The following RANBP9 variants were observed in gnomAD, a reference collection of about 807,000 sequenced individuals.
The protein encoded by RANBP9 is RAN binding protein 9, also known as ran-binding protein 9.
A neutral mutation model predicts 84.3 loss-of-function variants in RANBP9; 15 were observed. The ratio of observed to expected loss-of-function variants is 0.18; its 90% CI spans 0.12 to 0.27. The LOEUF is 0.27. RANBP9 is among the 10% of genes least tolerant of loss of function. The pLI is 1.00. For synonymous variants in RANBP9, 392 were observed against 349.6 expected (o/e 1.12, Z -1.35); for missense variants, 809 against 912.8 (o/e 0.89, Z 1.46).
intron 1 of RANBP9, among the ~76,000 whole-genome samples, chr6:13,703,745 T>C (rs1758032384): frequency 6.6e-6 from 1 of 152,144 alleles, no homozygotes; most frequent in Non-Finnish European, 1.5e-5. Flanking sequence ...TGGAGCTGAG[T>C]CATTTTAATA....
Position 13,696,902 on chromosome 6 carries a change from T to A in RANBP9, c.572-6A>T. ...TTTTGGGGTTTTGCCATGACCTGCA[T>A]AGAAACAGGAAGGAAAAAAGAAGTC... On this transcript the variant is annotated splice_region_variant and splice_polypyrimidine_tract_variant and intron_variant, in intron 1 of 13. Coordinates refer to ENST00000011619, the MANE Select transcript of RANBP9 (RefSeq NM_005493.3). 1.9e-6 allele frequency: 3 copies of A among 1,603,078 alleles called. No individual in the cohort carries two copies. In the African/African-American group the frequency reaches 4.0e-5, roughly 21 times the overall value.
chr6:13,703,522 T>C (rs1234227293), intron 1 of RANBP9, among the ~76,000 whole-genome samples: 6 of 152,176 alleles, frequency 3.9e-5, no homozygotes, highest in Non-Finnish European at 8.8e-5. Context: ...ATTTTATAAT[T>C]ACCACCATTC....
rs1160293561 is a variant in RANBP9 at position 13,688,381 on chromosome 6, C to T, written c.683+8404G>A. 4.6e-5 allele frequency among the ~76,000 whole-genome samples: 7 copies of T among 152,174 alleles called. No individual in the cohort carries two copies. In the South Asian group the frequency reaches 1.2e-3, roughly 27 times the overall value. On this transcript the variant is annotated intron_variant, in intron 2 of 13. Coordinates refer to ENST00000011619, the MANE Select transcript of RANBP9 (RefSeq NM_005493.3). ...TTCCTCTTCTGTAATTTTATGTAAG[C>T]TTCCTAGATAGACTTCCCTGATCAC... is the stretch of plus-strand genomic sequence containing the variant.
intron 2 of RANBP9, among the ~76,000 whole-genome samples, chr6:13,664,941 G>C (rs1481556594): frequency 6.6e-6 from 1 of 152,056 alleles, no homozygotes; most frequent in Non-Finnish European, 1.5e-5. Flanking sequence ...ACAGATTAAG[G>C]AGTCTAACAA....
intron 2 of RANBP9, among the ~76,000 whole-genome samples, chr6:13,675,031 G>A (rs1469311523): frequency 1.3e-5 from 2 of 152,108 alleles, no homozygotes; most frequent in Non-Finnish European, 2.9e-5. Flanking sequence ...AAAACTGATA[G>A]AGCTACGAGA....
At chr6:13,705,406 CAAAAAAAAAAAAAAAA>C (rs774239782) in intron 1 of RANBP9, among the ~76,000 whole-genome samples, 6 of 26,760 alleles carry the variant, frequency 2.2e-4, no homozygotes, top group African/African-American at 3.8e-4. Flanking sequence ...GATTCTGTCT[CAAAAAAAAAAAAAAAA>C]AAAAAAAAAA....
chr6:13,674,728 A>G (rs76314110), intron 2 of RANBP9, among the ~76,000 whole-genome samples: 2,059 of 152,212 alleles, frequency 0.014, 49 homozygotes, highest in African/African-American at 0.046. Flanking sequence ...TGCTCTTTCT[A>G]CCCAATACAT....
At chr6:13,650,979 C>T (rs1765282655) in intron 5 of RANBP9, among the ~76,000 whole-genome samples, 1 of 151,994 alleles carries the variant, frequency 6.6e-6, no homozygotes, top group Admixed American at 6.6e-5. Context: ...GGCATCCAGT[C>T]TTTAAAAAAC....
chr6:13,701,771 A>C (rs63365760), intron 1 of RANBP9, among the ~76,000 whole-genome samples: 4 of 143,142 alleles, frequency 2.8e-5, no homozygotes, highest in Non-Finnish European at 6.1e-5. Flanking sequence ...GCTCCATCTC[A>C]AAAAAAAAAA....
intron 12 of RANBP9, among the ~76,000 whole-genome samples, chr6:13,629,242 T>C (rs1247089780): frequency 6.6e-6 from 1 of 152,112 alleles, no homozygotes; most frequent in East Asian, 1.9e-4. Context: ...TCCCAAAGTG[T>C]TGGGATTACA....
intron 12 of RANBP9, among the ~76,000 whole-genome samples, chr6:13,626,675 G>A (rs114670771): frequency 0.011 from 1,709 of 152,310 alleles, 23 homozygotes; most frequent in African/African-American, 0.038. Context: ...TTGGAAGGCA[G>A]ACATGGAGAG....
chr6:13,652,638 T>C (rs1307449964), intron 5 of RANBP9, 21 bp downstream of exon 5: 1 of 1,562,048 alleles, frequency 6.4e-7, no homozygotes, highest in East Asian at 2.2e-5. Context: ...AATGGAAAAC[T>C]GCTTTTAAAA....
chr6:13,641,565 T>C (rs1765064890), intron 7 of RANBP9, among the ~76,000 whole-genome samples: 1 of 152,090 alleles, frequency 6.6e-6, no homozygotes. Flanking sequence ...AAAATACCTA[T>C]TATGCAATAT....
Position 13,657,173 on chromosome 6 carries a change from G to A in RANBP9, c.840C>T (p.Val280=). The part of the protein sequence containing the change: ...PYGPTFTTGD[V]IGCCVNLINN... ...TGATAAGATTAACACAACAGCCAAT[G>A]ACATCACCAGTAGTGAAAGTTGGTC... The change falls in exon 4 of 14, where the codon GTC becomes GTT. Residue 280 remains valine (V), a synonymous_variant. Coordinates refer to ENST00000011619, the MANE Select transcript of RANBP9 (RefSeq NM_005493.3). 6.2e-7 allele frequency: 1 copy of A among 1,613,114 alleles called. No individual in the cohort carries two copies. Among genetic ancestry groups the A allele is most frequent in the Non-Finnish European group, 8.5e-7 (1 of 1,179,410 alleles).
At chr6:13,693,233 T>C (rs1477350888) in intron 2 of RANBP9, among the ~76,000 whole-genome samples, 1 of 152,194 alleles carries the variant, frequency 6.6e-6, no homozygotes. Flanking sequence ...ACTAGAAATA[T>C]AAGCCAGCAT....
chr6:13,707,859 A>T (rs974399038), intron 1 of RANBP9, among the ~76,000 whole-genome samples: 5 of 152,226 alleles, frequency 3.3e-5, no homozygotes, highest in Admixed American at 6.5e-5. Flanking sequence ...AACTAAGTCT[A>T]AACTTGTCAC....
chr6:13,658,653 A>C, intron 3 of RANBP9, 127 bp downstream of exon 3: 1 of 855,786 alleles, frequency 1.2e-6, no homozygotes. Context: ...CTTTCACTTA[A>C]AATTCATAAT....
chr6:13,655,931 G>A (rs1165208769), intron 4 of RANBP9, among the ~76,000 whole-genome samples: 1 of 152,072 alleles, frequency 6.6e-6, no homozygotes, highest in Non-Finnish European at 1.5e-5. Context: ...AATTTGCATG[G>A]GGTCCTTAAC....
rs140632616 is a variant in RANBP9, at chr6:13,708,527, G to T, written c.571+2408C>A. 7.9e-3 allele frequency among the ~76,000 whole-genome samples: 1,198 copies of T among 152,186 alleles called. 12 individuals carry two copies. Among genetic ancestry groups the T allele is most frequent in the African/African-American group, 0.027 (1,124 of 41,510 alleles). On this transcript the variant is annotated intron_variant, in intron 1 of 13. Transcript: ENST00000011619. ...TATTTCAAAGATAAGGAAAATTCTC[G>T]TCACTCTGGAAAATAATTAAAATCA...
Sources: allele counts gnomAD v4.1 joint callset (sites outside exome capture counted in the v4.1 genomes callset), GRCh38; gene constraint gnomAD v4.1.1; transcripts MANE v1.5; gene names NCBI Gene and HGNC (gene_info 2026-07-23, HGNC 2026-07-21).